The following DIAPH2 variants were observed in gnomAD, a reference collection of about 807,000 sequenced individuals.
DIAPH2 encodes the protein protein diaphanous homolog 2.
DIAPH2 carries 35 observed loss-of-function variants against 92.7 expected under a neutral mutation model. That is an observed-to-expected ratio of 0.38 (90% CI 0.29 to 0.50). The LOEUF (loss-of-function observed/expected upper bound fraction) is 0.50, where lower values mean the gene tolerates loss of function less well. Among genes scored for constraint, DIAPH2 ranks in the 20% least tolerant of loss-of-function variants. DIAPH2 has a pLI of 0.94. For synonymous variants in DIAPH2, 301 were observed against 280.4 expected (o/e 1.07, Z -0.73); for missense variants, 701 against 819.5 (o/e 0.86, Z 1.77).
intron 22 of DIAPH2, among the ~76,000 whole-genome samples, chrX:97,217,739 A>G (rs1440640147): frequency 9.0e-6 from 1 of 111,719 alleles, no homozygotes; most frequent in African/African-American, 3.2e-5. Flanking sequence ...CGAGGTCAAG[A>G]GTTCAAGACC....
chrX:97,318,863 C>G (rs2068865778), intron 23 of DIAPH2, among the ~76,000 whole-genome samples: 1 of 111,284 alleles, frequency 9.0e-6, no homozygotes, highest in Non-Finnish European at 1.9e-5. Context: ...AGTGGTAAAA[C>G]AGTAGCGACA....
chrX:97,009,954 A>G (rs974977281), intron 17 of DIAPH2, among the ~76,000 whole-genome samples: 1 of 111,665 alleles, frequency 9.0e-6, no homozygotes, highest in African/African-American at 3.3e-5. Context: ...TATCTCACTA[A>G]GTTATATGCC....
At chrX:97,522,689 T>C (rs1042952776) in intron 26 of DIAPH2, among the ~76,000 whole-genome samples, 1 of 111,096 alleles carries the variant, frequency 9.0e-6, no homozygotes, top group Non-Finnish European at 1.9e-5. Flanking sequence ...GGAACCCTCA[T>C]TTTTTTTTGT....
chrX:96,775,346 C>A (rs1311868557), intron 4 of DIAPH2, among the ~76,000 whole-genome samples: 1 of 45,734 alleles, frequency 2.2e-5, no homozygotes, highest in South Asian at 1.6e-3. Context: ...TTTTACTCAA[C>A]GTGTGCTTGT....
At chrX:97,277,992 C>T (rs1446577385) in intron 23 of DIAPH2, among the ~76,000 whole-genome samples, 1 of 111,326 alleles carries the variant, frequency 9.0e-6, no homozygotes, top group Admixed American at 9.6e-5. Flanking sequence ...ATTACAGGCA[C>T]GCGCCACCAC....
chrX:96,856,800 G>A (rs1468660943), intron 4 of DIAPH2, among the ~76,000 whole-genome samples: 2 of 110,577 alleles, frequency 1.8e-5, no homozygotes, highest in African/African-American at 3.3e-5. Context: ...ACTTGGGGAG[G>A]CCGAGGTGGG....
intron 4 of DIAPH2, among the ~76,000 whole-genome samples, chrX:96,873,010 A>G (rs1219223959): frequency 8.9e-5 from 10 of 111,910 alleles, no homozygotes; most frequent in African/African-American, 2.3e-4. Context: ...ACTGTTTTCC[A>G]TAGTGGCTAT....
chrX:97,167,776 A>G (rs1309706626), intron 22 of DIAPH2, among the ~76,000 whole-genome samples: 3 of 111,532 alleles, frequency 2.7e-5, no homozygotes, highest in African/African-American at 9.8e-5. Context: ...AAACTTTTCC[A>G]TTTTTGACAA....
At chrX:96,967,979 T>C (rs2065904083) in intron 17 of DIAPH2, among the ~76,000 whole-genome samples, 1 of 111,196 alleles carries the variant, frequency 9.0e-6, no homozygotes, top group African/African-American at 3.3e-5. Flanking sequence ...CCGAACTGCT[T>C]TCTATAGTGG....
intron 22 of DIAPH2, among the ~76,000 whole-genome samples, chrX:97,243,405 C>G (rs1462693152): frequency 9.0e-6 from 1 of 110,557 alleles, no homozygotes; most frequent in East Asian, 2.8e-4. Context: ...GACTGTGATA[C>G]TCTGTAACCT....
At chrX:97,112,756 CCTTTCTTT>C (rs1466910621) in intron 20 of DIAPH2, among the ~76,000 whole-genome samples, 1 of 92,547 alleles carries the variant, frequency 1.1e-5, no homozygotes, top group Non-Finnish European at 2.1e-5. Context: ...TCCTTCTTTC[CCTTTCTTT>C]CTTTTTTTTT....
At chrX:97,194,362 C>A (rs59655428) in intron 22 of DIAPH2, among the ~76,000 whole-genome samples, 48,240 of 104,701 alleles carry the variant, frequency 0.46, 9,065 homozygotes, top group Non-Finnish European at 0.58. Context: ...GCTCACTGCA[C>A]GCTCCGCCTC....
chrX:97,542,145 C>T (rs2147857409), intron 26 of DIAPH2, among the ~76,000 whole-genome samples: 1 of 112,514 alleles, frequency 8.9e-6, no homozygotes, highest in South Asian at 3.7e-4. Context: ...ATTTGAAATG[C>T]ATTATCCGAT....
chrX:97,033,172 A>G (rs1322981602), intron 17 of DIAPH2, among the ~76,000 whole-genome samples: 1 of 112,298 alleles, frequency 8.9e-6, no homozygotes, highest in Non-Finnish European at 1.9e-5. Context: ...ATCTTCAGAT[A>G]TAGTTAGGTT....
chrX:97,497,057 C>T (rs1292401778), intron 26 of DIAPH2, among the ~76,000 whole-genome samples: 1 of 110,477 alleles, frequency 9.1e-6, no homozygotes, highest in Middle Eastern at 4.2e-3. Context: ...TCAATGTTGA[C>T]TTAACTGAAT....
At position 96,718,336 on chromosome X, in the gene DIAPH2, G is replaced by GTTTTTTTTTTTTTTTTT. The variant is rs962776012; in HGVS notation, c.133-17400_133-17384dup. 1.8e-4 allele frequency among the ~76,000 whole-genome samples: 2 copies of GTTTTTTTTTTTTTTTTT among 10,987 alleles called. 1 individual carries two copies. Among genetic ancestry groups the GTTTTTTTTTTTTTTTTT allele is most frequent in the Non-Finnish European group, 2.8e-4 (2 of 7,216 alleles). 9.5% of individuals were successfully genotyped at this position (10,987 alleles called of 115,157 possible). A position where few individuals can be genotyped will look rare whatever the true frequency, so the allele number is the denominator to read the frequency against. ...TGTATATATGTACCACATTTTCTTTGTTTTTTTTTTTTTTTTTTTTTTTTT... is the reference window on the plus strand; with the variant it reads ...TGTATATATGTACCACATTTTCTTTGTTTTTTTTTTTTTTTTTTTTTTTTTTTTTTTTTTTTTTTTTT... On this transcript the variant is annotated intron_variant, in intron 1 of 26. Coordinates refer to ENST00000324765, the MANE Select transcript of DIAPH2 (RefSeq NM_006729.5).
chrX:97,365,075 A>G (rs1305593061), intron 24 of DIAPH2, among the ~76,000 whole-genome samples: 2 of 110,358 alleles, frequency 1.8e-5, no homozygotes, highest in Non-Finnish European at 3.8e-5. Flanking sequence ...TTCCCTCGCT[A>G]TTTACATCTG....
chrX:96,689,027 C>T (rs781592022), intron 1 of DIAPH2, among the ~76,000 whole-genome samples: 48 of 109,265 alleles, frequency 4.4e-4, no homozygotes, highest in African/African-American at 1.4e-3. Context: ...GAGGCATCTA[C>T]GTAGAATTGC....
intron 26 of DIAPH2, among the ~76,000 whole-genome samples, chrX:97,540,108 T>C (rs759395342): frequency 9.0e-5 from 10 of 111,441 alleles, no homozygotes; most frequent in Non-Finnish European, 1.7e-4. Flanking sequence ...CTAAAGACAA[T>C]GCTTGTCTTC....
Sources: allele counts gnomAD v4.1 joint callset (sites outside exome capture counted in the v4.1 genomes callset), GRCh38; gene constraint gnomAD v4.1.1; transcripts MANE v1.5; gene names NCBI Gene and HGNC (gene_info 2026-07-23, HGNC 2026-07-21).